The following GRIK1 variants were observed in gnomAD, a reference collection of about 807,000 sequenced individuals.
GRIK1 encodes glutamate receptor ionotropic, kainate 1.
Under a neutral mutation model 105.7 loss-of-function variants are expected in GRIK1, and 69 were observed. The ratio of observed to expected loss-of-function variants is 0.65; its 90% CI spans 0.54 to 0.80. The LOEUF is 0.80. Ranked by LOEUF, GRIK1 falls within the 30% of genes least tolerant of loss-of-function variation. GRIK1 has a pLI of 0.00. For synonymous variants in GRIK1, 438 were observed against 431.3 expected, an observed-to-expected ratio of 1.02 and a Z score of -0.19; for missense variants, 1,109 against 1,167.3, an observed-to-expected ratio of 0.95 and a Z score of 0.73.
intron 1 of GRIK1, among the ~76,000 whole-genome samples, chr21:29,726,364 G>A (rs2064461394): frequency 6.6e-6 from 1 of 152,052 alleles, no homozygotes. Context: ...TGACTTTTAT[G>A]CCTAATTATA....
intron 1 of GRIK1, among the ~76,000 whole-genome samples, chr21:29,788,335 G>A (rs2066317405): frequency 6.6e-6 from 1 of 152,174 alleles, no homozygotes; most frequent in Non-Finnish European, 1.5e-5. Flanking sequence ...AACGCCATGT[G>A]GTATCTGGGA....
At chr21:29,587,964 CTTTTT>C (rs568648777) in intron 11 of GRIK1, among the ~76,000 whole-genome samples, 60 of 65,402 alleles carry the variant, frequency 9.2e-4, no homozygotes, top group East Asian at 7.2e-3. Context: ...CTTTAAAATT[CTTTTT>C]TTTTTTTTTT....
intron 1 of GRIK1, among the ~76,000 whole-genome samples, chr21:29,922,256 CTT>C (rs2071217659): frequency 6.6e-6 from 1 of 152,076 alleles, no homozygotes; most frequent in African/African-American, 2.4e-5. Context: ...AAATAAATGA[CTT>C]ATGTCCAATA....
intron 1 of GRIK1, among the ~76,000 whole-genome samples, chr21:29,701,154 T>G (rs1165060694): frequency 6.6e-6 from 1 of 152,226 alleles, no homozygotes; most frequent in Non-Finnish European, 1.5e-5. Context: ...CCTCATTTAT[T>G]TGTAAGATGC....
At chr21:29,796,102 G>A (rs1047537318) in intron 1 of GRIK1, among the ~76,000 whole-genome samples, 3 of 152,146 alleles carry the variant, frequency 2.0e-5, no homozygotes, top group African/African-American at 7.2e-5. Context: ...AAAATTTTGT[G>A]TGCATTTTGT....
intron 4 of GRIK1, among the ~76,000 whole-genome samples, chr21:29,666,864 A>AT (rs1051327574): frequency 2.6e-5 from 4 of 152,038 alleles, no homozygotes; most frequent in African/African-American, 4.8e-5. Flanking sequence ...AAGAGGTTAC[A>AT]TTTTTTTTCC....
chr21:29,690,755 A>C (rs1329372826), intron 2 of GRIK1, among the ~76,000 whole-genome samples: 2 of 152,226 alleles, frequency 1.3e-5, no homozygotes, highest in Non-Finnish European at 2.9e-5. Flanking sequence ...TATTTTTCTC[A>C]TTATAAGAAT....
intron 1 of GRIK1, among the ~76,000 whole-genome samples, chr21:29,745,449 T>C (rs2065026879): frequency 6.6e-6 from 1 of 152,222 alleles, no homozygotes; most frequent in Admixed American, 6.5e-5. Context: ...AGCTGCTGCA[T>C]TTTGGAGAAA....
At chr21:29,543,110 A>AT (rs147509902) in intron 16 of GRIK1, among the ~76,000 whole-genome samples, 3,094 of 151,176 alleles carry the variant, frequency 0.02, 101 homozygotes, top group African/African-American at 0.07. Context: ...TATTATTACT[A>AT]TTTTTTTTTG....
At position 29,884,223 on chromosome 21, in the gene GRIK1, A is replaced by G. The variant is rs146063449; in HGVS notation, c.118+55160T>C. 4.4e-3 allele frequency among the ~76,000 whole-genome samples: 664 copies of G among 152,172 alleles called. 2 individuals are homozygous for G. Among genetic ancestry groups the G allele is most frequent in the African/African-American group, 0.012 (479 of 41,554 alleles). On this transcript the variant is annotated intron_variant, in intron 1 of 17. Coordinates refer to ENST00000327783, the MANE Select transcript of GRIK1 (RefSeq NM_001330994.2). ...CAGAGGGTTAAGTTTTCCAACATGT[A>G]TGGTTCACAAAGCCAGATGCCAAGA...
intron 16 of GRIK1, among the ~76,000 whole-genome samples, chr21:29,554,589 T>C (rs1025779530): frequency 1.5e-4 from 23 of 152,342 alleles, no homozygotes; most frequent in African/African-American, 5.3e-4. Flanking sequence ...TTGATAGAAG[T>C]GTTCAATTTC....
intron 1 of GRIK1, among the ~76,000 whole-genome samples, chr21:29,783,901 A>G (rs2066189932): frequency 6.6e-6 from 1 of 152,190 alleles, no homozygotes; most frequent in South Asian, 2.1e-4. Context: ...AATCAGCCCT[A>G]TGAACAAACT....
intron 15 of GRIK1, among the ~76,000 whole-genome samples, chr21:29,559,673 A>G (rs1290968357): frequency 6.6e-6 from 1 of 152,246 alleles, no homozygotes; most frequent in African/African-American, 2.4e-5. Flanking sequence ...TTCATGGTAA[A>G]TATGGAAGAT....
chr21:29,639,565 G>T (rs2062468436), intron 7 of GRIK1, among the ~76,000 whole-genome samples: 1 of 152,210 alleles, frequency 6.6e-6, no homozygotes, highest in South Asian at 2.1e-4. Flanking sequence ...TGCAGATGGA[G>T]CAGGAGATGA....
chr21:29,838,636 A>G (rs1209351943), intron 1 of GRIK1, among the ~76,000 whole-genome samples: 1 of 152,214 alleles, frequency 6.6e-6, no homozygotes, highest in Non-Finnish European at 1.5e-5. Flanking sequence ...CAAATAATAG[A>G]AGACTGGTGA....
At chr21:29,597,761 C>A in intron 8 of GRIK1, 2 of 313,232 alleles carry the variant, frequency 6.4e-6, no homozygotes, top group Admixed American at 3.4e-5. Context: ...TCAAATATTT[C>A]ACACTGGTGG....
chr21:29,806,450 A>G (rs747357935), intron 1 of GRIK1, among the ~76,000 whole-genome samples: 20 of 152,138 alleles, frequency 1.3e-4, no homozygotes, highest in Non-Finnish European at 1.9e-4. Context: ...TAGCAGGTTT[A>G]TGATAATCAT....
intron 7 of GRIK1, chr21:29,630,404 T>C: frequency 4.7e-6 from 2 of 422,496 alleles, no homozygotes; most frequent in Non-Finnish European, 9.6e-6. Context: ...GCGATGCAAT[T>C]AGGTATCTGT....
At position 29,598,918 on chromosome 21, in the gene GRIK1, GT is replaced by G; in HGVS notation, c.1117del (p.Thr373LeufsTer12). 2 of 1,580,164 alleles carry G rather than the reference GT, an allele frequency of 1.3e-6. No homozygotes were observed. Among genetic ancestry groups the G allele is most frequent in the Non-Finnish European group, 1.7e-6 (2 of 1,154,020 alleles). On this transcript the variant is annotated frameshift_variant, in exon 8 of 18. Coordinates refer to ENST00000327783, the MANE Select transcript of GRIK1 (RefSeq NM_001330994.2). LOFTEE classifies it high-confidence loss of function. ...LIKEARWDGL[T>X]GHITFNKTNG... ...GGTTTTATTAAAGGTGATATGCCCA[GT>G]CAAGCCATCCCACCGGGCCTGTGGA...
Sources: gnomAD v4.1 joint callset for allele counts (sites outside exome capture counted in the v4.1 genomes callset) on GRCh38, gnomAD v4.1.1 for gene constraint, MANE v1.5 for transcripts, NCBI Gene and HGNC (gene_info 2026-07-23, HGNC 2026-07-21) for gene names.